Variants in AK5 observed in about 807,000 individuals in gnomAD.
AK5 encodes the protein adenylate kinase 5, also known as adenylate kinase isoenzyme 5.
AK5 carries 27 observed loss-of-function variants against 69.5 expected under a neutral mutation model. The ratio of observed to expected loss-of-function variants is 0.39; its 90% confidence interval spans 0.29 to 0.54. The LOEUF (loss-of-function observed/expected upper bound fraction) is 0.54, where lower values mean the gene tolerates loss of function less well. Among genes scored for constraint, AK5 ranks in the 20% least tolerant of loss-of-function variants. AK5 has a pLI of 0.71. For missense variants in AK5, 531 were observed against 700.4 expected (o/e 0.76, Z 2.73); for synonymous variants, 260 against 244.4 (o/e 1.06, Z -0.60).
At chr1:77,348,745 A>G (rs925840295) in intron 6 of AK5, among the ~76,000 whole-genome samples, 5 of 152,046 alleles carry the variant, frequency 3.3e-5, no homozygotes, top group Non-Finnish European at 7.4e-5. Context: ...ACACACCCAC[A>G]CACCCACACA....
intron 6 of AK5, among the ~76,000 whole-genome samples, chr1:77,390,166 T>C (rs1203219902): frequency 6.6e-6 from 1 of 152,134 alleles, no homozygotes; most frequent in Admixed American, 6.5e-5. Flanking sequence ...ACCTGCAGAA[T>C]ATTAAGAAAT....
At chr1:77,435,183 GA>G (rs1176809939) in intron 8 of AK5, among the ~76,000 whole-genome samples, 1 of 152,230 alleles carries the variant, frequency 6.6e-6, no homozygotes, top group Non-Finnish European at 1.5e-5. Flanking sequence ...AGGAAGAGCA[GA>G]AGGCAGTGTT....
intron 8 of AK5, among the ~76,000 whole-genome samples, chr1:77,467,622 C>T (rs556437899): frequency 2.0e-4 from 31 of 152,206 alleles, no homozygotes; most frequent in African/African-American, 7.2e-4. Context: ...TAATCTTCTT[C>T]GTATTTACTC....
At chr1:77,512,834 A>G (rs1317003049) in intron 10 of AK5, among the ~76,000 whole-genome samples, 2 of 152,222 alleles carry the variant, frequency 1.3e-5, no homozygotes, top group Non-Finnish European at 2.9e-5. Context: ...CTATGCAGCC[A>G]TAAAAAATGA....
At chr1:77,437,440 G>C (rs1420372384) in intron 8 of AK5, among the ~76,000 whole-genome samples, 2 of 152,094 alleles carry the variant, frequency 1.3e-5, no homozygotes, top group African/African-American at 2.4e-5. Context: ...AAGGACAGTT[G>C]AATCCAAATT....
intron 6 of AK5, among the ~76,000 whole-genome samples, chr1:77,344,192 G>A (rs572864282): frequency 6.6e-6 from 1 of 152,288 alleles, no homozygotes; most frequent in East Asian, 1.9e-4. Flanking sequence ...AAAACATGCT[G>A]TTGCTTGAAT....
chr1:77,443,945 G>C (rs1274563136), intron 8 of AK5, among the ~76,000 whole-genome samples: 1 of 151,250 alleles, frequency 6.6e-6, no homozygotes, highest in Non-Finnish European at 1.5e-5. Context: ...ACCCACCCAA[G>C]ACATGAGCAG....
chr1:77,497,038 T>C (rs1432686810), intron 10 of AK5, among the ~76,000 whole-genome samples: 1 of 152,230 alleles, frequency 6.6e-6, no homozygotes, highest in African/African-American at 2.4e-5. Context: ...GTGGAAGCTT[T>C]GTTCTTTCGC....
chr1:77,546,919 A>G (rs1160533116), intron 13 of AK5, among the ~76,000 whole-genome samples: 1 of 152,174 alleles, frequency 6.6e-6, no homozygotes, highest in Non-Finnish European at 1.5e-5. Context: ...GATGAAGGAG[A>G]AGGAACAAAG....
At chr1:77,548,783 G>C (rs1659667335) in intron 13 of AK5, among the ~76,000 whole-genome samples, 1 of 151,850 alleles carries the variant, frequency 6.6e-6, no homozygotes, top group African/African-American at 2.4e-5. Context: ...TCCTCATTTA[G>C]TCATATGTTC....
rs960811664 is a variant in AK5 at position 77,328,360 on chromosome 1, C to T, written c.700-12017C>T. ...CTAAAAATACAAAAAATTAGCCGGG[C>T]GTGGTGGCGGGAGCCTGTAATCCCA... On this transcript the variant is annotated intron_variant, in intron 5 of 13. Transcript: ENST00000354567. Among the ~76,000 whole-genome samples the T allele has an allele frequency of 3.0e-4, 45 of 152,002 alleles. 1 individual carries two copies. Among genetic ancestry groups the T allele is most frequent in the African/African-American group, 9.6e-4 (40 of 41,466 alleles).
rs571771237 is a variant in AK5 at position 77,533,645 on chromosome 1, A to T, written c.1429-2202A>T. On this transcript the variant is annotated intron_variant, in intron 12 of 13. Coordinates refer to ENST00000354567, the MANE Select transcript of AK5 (RefSeq NM_174858.3). ...GGCCACACTTTGGGAATCAGTGTGG[A>T]AGAAAAAGCTACCTCTCTGCCCCGT... 2.3e-3 allele frequency among the ~76,000 whole-genome samples: 349 copies of T among 152,094 alleles called. 2 individuals are homozygous for T. Among genetic ancestry groups the T allele is most frequent in the African/African-American group, 8.1e-3 (336 of 41,456 alleles).
At chr1:77,433,241 A>G (rs1404117886) in intron 8 of AK5, among the ~76,000 whole-genome samples, 1 of 147,520 alleles carries the variant, frequency 6.8e-6, no homozygotes, top group Non-Finnish European at 1.5e-5. Flanking sequence ...CAGCCTAATA[A>G]TAGGTGTATT....
chr1:77,547,210 T>G (rs1282170147), intron 13 of AK5, among the ~76,000 whole-genome samples: 2 of 151,944 alleles, frequency 1.3e-5, no homozygotes, highest in African/African-American at 4.8e-5. Context: ...TATATTTTAT[T>G]TAACTATTTA....
rs1403243363 is a variant in AK5, at chr1:77,471,043, G to A, written c.1060-12274G>A. On this transcript the variant is annotated intron_variant, in intron 8 of 13. Transcript: ENST00000354567. ...CTAAAGGCGTGTGCCACCATGCCTG[G>A]CTAATTTTTTTTTTATTTTTAGTAG... is the stretch of plus-strand genomic sequence containing the variant. Among the ~76,000 whole-genome samples the A allele has an allele frequency of 2.7e-5, 4 of 150,798 alleles. No individual in the cohort carries two copies. The South Asian group carries it at 8.4e-4, about 32-fold the overall frequency.
In AK5 at chr1:77,476,128, C is replaced by T. The variant is rs116655704; in HGVS notation, c.1060-7189C>T. On this transcript the variant is annotated intron_variant, in intron 8 of 13. Coordinates refer to ENST00000354567, the MANE Select transcript of AK5 (RefSeq NM_174858.3). ...CTGGAAAAAGTTAGCCTAGCATCTA[C>T]CACATTTTTTTCAACTCTGTTTACT... Among the ~76,000 whole-genome samples, 635 of 152,212 alleles carry T rather than the reference C, an allele frequency of 4.2e-3. 3 individuals are homozygous for T. Among genetic ancestry groups the T allele is most frequent in the African/African-American group, 0.015 (604 of 41,532 alleles).
chr1:77,314,047 T>TG (rs1246954335), intron 5 of AK5: 1 of 370,884 alleles, frequency 2.7e-6, no homozygotes, highest in Non-Finnish European at 5.3e-6. Flanking sequence ...ATGACAATAT[T>TG]GAACATATAT....
Position 77,521,926 on chromosome 1 carries a change from G to C in AK5, c.1411G>C (p.Glu471Gln), listed in dbSNP as rs536878720. 1 of 1,611,884 alleles carries C rather than the reference G, an allele frequency of 6.2e-7. No individual in the cohort carries two copies. Among genetic ancestry groups the C allele is most frequent in the African/African-American group, 1.3e-5 (1 of 74,932 alleles). The change falls in exon 12 of 14, where the codon GAA (glutamate) becomes CAA (glutamine). Residue 471 changes from glutamate to glutamine, a missense_variant. Coordinates refer to ENST00000354567, the MANE Select transcript of AK5 (RefSeq NM_174858.3). The stretch of plus-strand genomic sequence containing the variant: ...CTATCCTCGGGAGGTGAAGCAAGGG[G>C]AAGAGTTCGGACGCAGGGTGAGTGG... ...DGYPREVKQG[E>Q]EFGRRIGDPQ...
At chr1:77,298,190 ATC>A (rs1230984182) in intron 5 of AK5, among the ~76,000 whole-genome samples, 1 of 152,160 alleles carries the variant, frequency 6.6e-6, no homozygotes, top group African/African-American at 2.4e-5. Context: ...AAAAATGCAA[ATC>A]TCTCTAAAAT....
Sources: allele counts gnomAD v4.1 joint callset (sites outside exome capture counted in the v4.1 genomes callset), GRCh38; gene constraint gnomAD v4.1.1; transcripts MANE v1.5; gene names NCBI Gene and HGNC (gene_info 2026-07-23, HGNC 2026-07-21).